Variants in SNX29 observed in about 807,000 individuals in gnomAD.
SNX29 encodes sorting nexin-29.
A neutral mutation model predicts 102.1 loss-of-function variants in SNX29; 78 were observed. The observed-to-expected ratio is 0.76, with a 90% CI of 0.64 to 0.92. SNX29 has a LOEUF of 0.92. Among genes scored for constraint, SNX29 ranks in the 40% least tolerant of loss-of-function variants. SNX29 has a pLI of 0.00. For missense variants in SNX29, 1,280 were observed against 1,061.7 expected (o/e 1.21, Z -2.86); for synonymous variants, 580 against 414.5 (o/e 1.40, Z -4.85).
chr16:12,378,677 G>A (rs1363158048), intron 16 of SNX29, among the ~76,000 whole-genome samples: 5 of 152,168 alleles, frequency 3.3e-5, no homozygotes, highest in Non-Finnish European at 7.3e-5. Context: ...TCAACATGAG[G>A]TTTGGAGGGA....
intron 15 of SNX29, among the ~76,000 whole-genome samples, chr16:12,341,515 C>T (rs116686383): frequency 7.2e-4 from 109 of 152,346 alleles, no homozygotes; most frequent in African/African-American, 2.6e-3. Context: ...CAATCTCGGT[C>T]TTTAACAAAA....
chr16:12,522,494 C>A (rs548855934), intron 19 of SNX29, among the ~76,000 whole-genome samples: 1 of 152,058 alleles, frequency 6.6e-6, no homozygotes, highest in Non-Finnish European at 1.5e-5. Context: ...AATCTCCTGT[C>A]GAATTGTAAT....
chr16:12,448,993 G>A (rs2086185357), intron 18 of SNX29, among the ~76,000 whole-genome samples: 1 of 152,196 alleles, frequency 6.6e-6, no homozygotes, highest in Non-Finnish European at 1.5e-5. Context: ...GGGCAGGTTT[G>A]CATTGAGGAA....
chr16:12,095,658 T>C (rs1000161543), intron 11 of SNX29, among the ~76,000 whole-genome samples: 11 of 152,234 alleles, frequency 7.2e-5, no homozygotes, highest in Admixed American at 2.6e-4. Context: ...TCATGAGATA[T>C]AATTGATTAG....
At chr16:12,336,127 T>C (rs1335562006) in intron 15 of SNX29, among the ~76,000 whole-genome samples, 1 of 151,988 alleles carries the variant, frequency 6.6e-6, no homozygotes, top group Admixed American at 6.5e-5. Flanking sequence ...TTTAAATAAA[T>C]TAGGCCATCA....
At chr16:12,448,571 A>G (rs2086166395) in intron 18 of SNX29, among the ~76,000 whole-genome samples, 1 of 151,858 alleles carries the variant, frequency 6.6e-6, no homozygotes. Flanking sequence ...ATCTGGTGGC[A>G]TACTAAAGGT....
rs1373029761 is a variant in SNX29, at chr16:12,568,604, T to C, written c.2417T>C (p.Val806Ala). The change falls in exon 21 of 21, where the codon GTG (valine) becomes GCG (alanine). Residue 806 changes from valine to alanine, a missense_variant. Coordinates refer to ENST00000566228, the MANE Select transcript of SNX29 (RefSeq NM_032167.5). ...GGTCAGCCCCGGGAGACCCGCAACG[T>C]GGAGCCCCAGAGCGGTGACCTCTGA... ...SRGQPRETRN[V>A]EPQSGDL 2 of 1,605,146 alleles carry C rather than the reference T, an allele frequency of 1.2e-6. No individual in the cohort carries two copies. The highest frequency in any genetic ancestry group is 1.7e-6 in the Non-Finnish European group (2 of 1,179,836).
At chr16:12,071,123 T>C (rs1396996432) in intron 10 of SNX29, among the ~76,000 whole-genome samples, 1 of 151,836 alleles carries the variant, frequency 6.6e-6, no homozygotes, top group Non-Finnish European at 1.5e-5. Context: ...GTAGGTTGCC[T>C]GTTCACTCTG....
rs150216513 is a variant in SNX29 at position 12,573,897 on chromosome 16, C to T, written c.*5268C>T. On this transcript the variant is annotated 3_prime_UTR_variant, in exon 21 of 21. Coordinates refer to ENST00000566228, the MANE Select transcript of SNX29 (RefSeq NM_032167.5). ...TCCCTGGCTTAGCCGTCAGGTAGAACGCTTACTCACCTGACACCGACTTCT... is the reference window on the plus strand; with the variant it reads ...TCCCTGGCTTAGCCGTCAGGTAGAATGCTTACTCACCTGACACCGACTTCT... 34 of 205,400 alleles carry T rather than the reference C, an allele frequency of 1.7e-4. No individual in the cohort carries two copies. In the East Asian group the frequency reaches 2.2e-3, roughly 13 times the overall value. The allele number at this position is 205,400 out of a possible 1,614,324, so 12.7% of individuals were successfully genotyped here. A position where few individuals can be genotyped will look rare whatever the true frequency, so the allele number is the denominator to read the frequency against.
At chr16:12,449,024 A>G (rs548287368) in intron 18 of SNX29, among the ~76,000 whole-genome samples, 2 of 152,244 alleles carry the variant, frequency 1.3e-5, no homozygotes, top group South Asian at 4.1e-4. Context: ...TTTAGTTTCA[A>G]CGTACATGTA....
chr16:12,180,422 C>T (rs1347497792), intron 13 of SNX29, among the ~76,000 whole-genome samples: 1 of 151,986 alleles, frequency 6.6e-6, no homozygotes, highest in Non-Finnish European at 1.5e-5. Context: ...TATTCTATTA[C>T]TTATTCTGTT....
At chr16:12,129,073 A>G (rs2054343166) in intron 12 of SNX29, among the ~76,000 whole-genome samples, 1 of 152,196 alleles carries the variant, frequency 6.6e-6, no homozygotes, top group Non-Finnish European at 1.5e-5. Context: ...GATATAAGAT[A>G]TTTTTTATAT....
chr16:12,168,459 G>T (rs1439906699), intron 13 of SNX29, among the ~76,000 whole-genome samples: 1 of 152,176 alleles, frequency 6.6e-6, no homozygotes, highest in Non-Finnish European at 1.5e-5. Flanking sequence ...TTGAATCTAA[G>T]CCCCATGTTG....
intron 14 of SNX29, among the ~76,000 whole-genome samples, chr16:12,206,470 ACT>A (rs948633263): frequency 6.6e-6 from 1 of 150,968 alleles, no homozygotes; most frequent in African/African-American, 2.4e-5. Flanking sequence ...CTGATTTCAG[ACT>A]CTGCCAACAC....
At chr16:12,532,000 G>A (rs1333651149) in intron 20 of SNX29, among the ~76,000 whole-genome samples, 2 of 152,178 alleles carry the variant, frequency 1.3e-5, no homozygotes, top group Admixed American at 1.3e-4. Flanking sequence ...GGAATCCACA[G>A]CGACAGAGGA....
chr16:12,329,303 A>G lies in SNX29; in HGVS notation c.1783-26860A>G, dbSNP rs571182825. Among the ~76,000 whole-genome samples the G allele has an allele frequency of 4.4e-3, 596 of 135,022 alleles. 18 individuals are homozygous for G. The highest frequency in any genetic ancestry group is 0.043 in the Admixed American group (554 of 12,820). 88.6% of individuals were successfully genotyped at this position (135,022 alleles called of 152,430 possible). A position where few individuals can be genotyped will look rare whatever the true frequency, so the allele number is the denominator to read the frequency against. The stretch of plus-strand genomic sequence containing the variant: ...AAAAAAAAAAAAAAAAAAGTGAAAA[A>G]ATACCCCCAGTAGCTCTAGGCGTCC... On this transcript the variant is annotated intron_variant, in intron 15 of 20. Transcript: ENST00000566228.
intron 20 of SNX29, among the ~76,000 whole-genome samples, chr16:12,543,016 G>C (rs973054865): frequency 2.0e-5 from 3 of 152,264 alleles, no homozygotes; most frequent in East Asian, 1.9e-4. Flanking sequence ...CTAGCTTCAG[G>C]AATGGCTGGA....
chr16:12,127,104 CA>C (rs1293273640), intron 12 of SNX29, among the ~76,000 whole-genome samples: 6 of 151,724 alleles, frequency 4.0e-5, no homozygotes, highest in Admixed American at 1.3e-4. Context: ...ACTAAAAATA[CA>C]AAAATTAGCT....
At chr16:12,358,119 C>T (rs1206588908) in intron 16 of SNX29, among the ~76,000 whole-genome samples, 1 of 152,152 alleles carries the variant, frequency 6.6e-6, no homozygotes, top group East Asian at 1.9e-4. Context: ...TGTGAAATTG[C>T]GGCGTTTTAG....
Sources: gnomAD v4.1 joint callset for allele counts (sites outside exome capture counted in the v4.1 genomes callset) on GRCh38, gnomAD v4.1.1 for gene constraint, MANE v1.5 for transcripts, NCBI Gene and HGNC (gene_info 2026-07-23, HGNC 2026-07-21) for gene names.